UGT3A2: variants seen among roughly 807,000 people sequenced by gnomAD.
UGT3A2 encodes UDP glycosyltransferase family 3 member A2, also known as UDP-glycosyltransferase 3A2.
UGT3A2 carries 32 observed loss-of-function variants against 39.8 expected under a neutral mutation model. The ratio of observed to expected loss-of-function variants is 0.80; its 90% CI spans 0.61 to 1.08. UGT3A2 has a LOEUF of 1.08. Ranked by LOEUF, UGT3A2 falls within the 50% of genes least tolerant of loss-of-function variation. The pLI, the probability that UGT3A2 is intolerant of heterozygous loss-of-function variation, is 0.00. For missense variants in UGT3A2, 611 were observed against 637.1 expected (o/e 0.96, Z 0.44); for synonymous variants, 241 against 230.7 (o/e 1.04, Z -0.40).
chr5:36,044,189 C>T (rs555576343), intron 4 of UGT3A2, among the ~76,000 whole-genome samples: 20 of 152,018 alleles, frequency 1.3e-4, no homozygotes, highest in African/African-American at 4.8e-4. Context: ...TCAACATATG[C>T]AAATCAATCA....
At chr5:36,038,037 G>A (rs1304010699) in intron 5 of UGT3A2, 21 bp from the exon 6 acceptor site, 5 of 1,564,650 alleles carry the variant, frequency 3.2e-6, no homozygotes, top group Non-Finnish European at 3.4e-6. Context: ...TAAGAAAGAG[G>A]GTGGGACACT....
intron 2 of UGT3A2, among the ~76,000 whole-genome samples, chr5:36,060,539 A>G (rs556435228): frequency 2.6e-5 from 4 of 152,180 alleles, no homozygotes; most frequent in Non-Finnish European, 5.9e-5. Context: ...TCTACCCAAT[A>G]AAAAGGGTTG....
chr5:36,059,992 G>C (rs1581017859), intron 2 of UGT3A2, among the ~76,000 whole-genome samples: 1 of 152,184 alleles, frequency 6.6e-6, no homozygotes, highest in African/African-American at 2.4e-5. Flanking sequence ...TGAGCCAGTT[G>C]AATCTGAATG....
chr5:36,037,138 C>G (rs1741855376), intron 6 of UGT3A2, among the ~76,000 whole-genome samples: 1 of 152,234 alleles, frequency 6.6e-6, no homozygotes, highest in Non-Finnish European at 1.5e-5. Context: ...CGCATGGTGG[C>G]TTATGTAATC....
rs1742259754 is a variant in UGT3A2 at position 36,049,155 on chromosome 5, C to A, written c.577G>T (p.Asp193Tyr). 6.2e-7 allele frequency: 1 copy of A among 1,614,070 alleles called. No homozygotes were observed. The highest frequency in any genetic ancestry group is 8.5e-7 in the Non-Finnish European group (1 of 1,180,054). ...YVPVFRSLLT[D>Y]HMDFWGRVKN... is the part of the protein sequence containing the mutation. ...ACTCGGCCCCAGAAGTCCATGTGAT[C>A]AGTCAGCAAGGAACGGAATACTGGA... The change falls in exon 4 of 7, where the codon GAT becomes TAT. Residue 193 changes from aspartate to tyrosine, a missense_variant. Asp to Tyr is a radical substitution (Grantham distance 160). Coordinates refer to ENST00000282507, the MANE Select transcript of UGT3A2 (RefSeq NM_174914.4).
In UGT3A2 at chr5:36,051,996, G is replaced by A. The variant is rs903536308; in HGVS notation, c.197-12C>T. 2.0e-6 allele frequency: 3 copies of A among 1,523,820 alleles called. No individual in the cohort carries two copies. The highest frequency in any genetic ancestry group is 8.8e-7 in the Non-Finnish European group (1 of 1,132,988). The allele number at this position is 1,523,820 out of a possible 1,614,324, so 94.4% of individuals were successfully genotyped here. A position where few individuals can be genotyped will look rare whatever the true frequency, so the allele number is the denominator to read the frequency against. The stretch of plus-strand genomic sequence containing the variant: ...TTCCTTTTTAAAATCTAAGAAAACA[G>A]CAACGGGTTAAAAAAAAAGTTAAAT... On this transcript the variant is annotated splice_polypyrimidine_tract_variant and intron_variant, in intron 2 of 6. Transcript: ENST00000282507.
At chr5:36,064,823 T>G (rs1332749480) in intron 1 of UGT3A2, among the ~76,000 whole-genome samples, 2 of 152,166 alleles carry the variant, frequency 1.3e-5, no homozygotes, top group Non-Finnish European at 2.9e-5. Context: ...CTGTAGGAGA[T>G]AGAAACCTTA....
rs1413119873 is a variant in UGT3A2 at position 36,051,889 on chromosome 5, C to G, written c.292G>C (p.Glu98Gln). Residue 98 changes from glutamate (E) to glutamine (Q), a missense_variant, in exon 3 of 7, where the codon GAA becomes CAA. Coordinates refer to ENST00000282507, the MANE Select transcript of UGT3A2 (RefSeq NM_174914.4). ...AATTACCTGCCACCTAAAGTTTCTT[C>G]CAGAAAGAAATCAAAACTCTTTTTA... ...EFKKSFDFFLEETLGGRGKFE... is the reference protein window; with the variant it reads ...EFKKSFDFFLQETLGGRGKFE... 6.3e-7 allele frequency: 1 copy of G among 1,589,846 alleles called. No individual in the cohort carries two copies. The highest frequency in any genetic ancestry group is 8.5e-7 in the Non-Finnish European group (1 of 1,173,678).
intron 2 of UGT3A2, among the ~76,000 whole-genome samples, chr5:36,058,379 C>T (rs926341203): frequency 6.6e-6 from 1 of 152,024 alleles, no homozygotes; most frequent in African/African-American, 2.4e-5. Flanking sequence ...GGTAATGGGG[C>T]GTTGTTGGAG....
Position 36,051,913 on chromosome 5 carries a change from T to G in UGT3A2, c.268A>C (p.Lys90Gln). Residue 90 changes from lysine (K) to glutamine (Q), a missense_variant, in exon 3 of 7, where the codon AAA (lysine) becomes CAA (glutamine). Transcript: ENST00000282507. The stretch of plus-strand genomic sequence containing the variant: ...TCCAGAAAGAAATCAAAACTCTTTT[T>G]AAATTCTCTTTGATGATCTTCAGGT... ...LAPEDHQREF[K>Q]KSFDFFLEET... 1 of 1,595,048 alleles carries G rather than the reference T, an allele frequency of 6.3e-7. No homozygotes were observed. Among genetic ancestry groups the G allele is most frequent in the East Asian group, 2.2e-5 (1 of 44,514 alleles).
At chr5:36,055,233 T>G (rs80169897) in intron 2 of UGT3A2, among the ~76,000 whole-genome samples, 21 of 18,682 alleles carry the variant, frequency 1.1e-3, no homozygotes, top group Admixed American at 2.0e-3. Flanking sequence ...CAGTTTGTTT[T>G]TTTTTTTCTT....
chr5:36,052,070 C>A, intron 2 of UGT3A2, 86 bp from the exon 3 acceptor site: 1 of 813,650 alleles, frequency 1.2e-6, no homozygotes, highest in South Asian at 1.9e-5. Flanking sequence ...AAACTTATTT[C>A]AAAGATTATG....
At chr5:36,061,585 G>T (rs1251302403) in intron 2 of UGT3A2, among the ~76,000 whole-genome samples, 7 of 150,796 alleles carry the variant, frequency 4.6e-5, no homozygotes, top group African/African-American at 1.5e-4. Context: ...ATTTTTTATG[G>T]CTGCATAGTA....
At position 36,039,480 on chromosome 5, in the gene UGT3A2, G is replaced by C. The variant is rs929756013; in HGVS notation, c.1072C>G (p.Leu358Val). ...AGCAGTCCTGGGCAGCCCTTACCCA[G>C]GAGGTCACTCTGAGGAAGCCAGTCC... Reference protein sequence around the residue: ...IVDWLPQSDLLAHPSIRLFVT... With the variant: ...IVDWLPQSDLVAHPSIRLFVT... The change falls in exon 5 of 7, where the codon CTG becomes GTG. Residue 358 changes from leucine to valine, a missense_variant. Physicochemically the swap from Leu to Val is conservative, Grantham distance 32. Transcript: ENST00000282507. 1 of 1,613,922 alleles carries C rather than the reference G, an allele frequency of 6.2e-7. No individual in the cohort carries two copies. The highest frequency in any genetic ancestry group is 2.2e-5 in the East Asian group (1 of 44,884).
chr5:36,060,399 A>G (rs1040242446), intron 2 of UGT3A2, among the ~76,000 whole-genome samples: 1 of 152,188 alleles, frequency 6.6e-6, no homozygotes, highest in African/African-American at 2.4e-5. Context: ...CCCAGAAGGA[A>G]TGCTGAGGGC....
chr5:36,035,122 A>G lies in UGT3A2; in HGVS notation c.*576T>C. 1 of 155,408 alleles carries G rather than the reference A, an allele frequency of 6.4e-6. No homozygotes were observed. Among genetic ancestry groups the G allele is most frequent in the Non-Finnish European group, 1.4e-5 (1 of 69,848 alleles). 9.6% of individuals were successfully genotyped at this position (155,408 alleles called of 1,614,324 possible). A position where few individuals can be genotyped will look rare whatever the true frequency, so the allele number is the denominator to read the frequency against. ...AGCCAAGAAGGAGCTCACTGTGGGC[A>G]CCAGAGACAGGGACCCAATGTGGAG... On this transcript the variant is annotated 3_prime_UTR_variant, in exon 7 of 7. Coordinates refer to ENST00000282507, the MANE Select transcript of UGT3A2 (RefSeq NM_174914.4).
chr5:36,042,100 A>C (rs62354169), intron 4 of UGT3A2, among the ~76,000 whole-genome samples: 1 of 151,842 alleles, frequency 6.6e-6, no homozygotes, highest in South Asian at 2.1e-4. Flanking sequence ...CTGGAGTTGA[A>C]AATGCATTTG....
intron 2 of UGT3A2, among the ~76,000 whole-genome samples, chr5:36,052,271 C>T (rs1289890282): frequency 6.6e-6 from 1 of 152,182 alleles, no homozygotes; most frequent in African/African-American, 2.4e-5. Flanking sequence ...AAATACAGTA[C>T]ACATTTGTTT....
chr5:36,058,685 C>A (rs1181396019), intron 2 of UGT3A2, among the ~76,000 whole-genome samples: 1 of 152,182 alleles, frequency 6.6e-6, no homozygotes, highest in Admixed American at 6.5e-5. Flanking sequence ...AGCTCAGCAG[C>A]TGCCTTTGCT....
Sources: allele counts gnomAD v4.1 joint callset (sites outside exome capture counted in the v4.1 genomes callset), GRCh38; gene constraint gnomAD v4.1.1; transcripts MANE v1.5; gene names NCBI Gene and HGNC (gene_info 2026-07-23, HGNC 2026-07-21).